Variants in EBF2 observed in about 807,000 individuals in gnomAD.
EBF2 encodes transcription factor COE2.
Under a neutral mutation model 72.8 loss-of-function variants are expected in EBF2, and 21 were observed. That is an observed-to-expected ratio of 0.29 (90% CI 0.20 to 0.42). EBF2 has a LOEUF of 0.42. Ranked by LOEUF, EBF2 falls within the 10% of genes least tolerant of loss-of-function variation. The probability of loss-of-function intolerance (pLI) is 1.00; values close to 1 mark genes in which losing one functional copy is unlikely to be tolerated. For missense variants in EBF2, 637 were observed against 731.2 expected (o/e 0.87, Z 1.49); for synonymous variants, 299 against 274.2 (o/e 1.09, Z -0.89).
intron 10 of EBF2, among the ~76,000 whole-genome samples, chr8:25,873,806 G>A (rs1477989459): frequency 1.3e-5 from 2 of 152,180 alleles, no homozygotes; most frequent in African/African-American, 4.8e-5. Context: ...TGCCACAATG[G>A]AGCAGTTATA....
At chr8:25,909,485 AAC>A (rs1803090953) in intron 6 of EBF2, among the ~76,000 whole-genome samples, 3 of 152,116 alleles carry the variant, frequency 2.0e-5, no homozygotes, top group African/African-American at 7.2e-5. Context: ...TTACTATGAC[AAC>A]GAAATTTTAC....
chr8:25,882,181 C>G (rs1350870792), intron 10 of EBF2, among the ~76,000 whole-genome samples: 1 of 152,096 alleles, frequency 6.6e-6, no homozygotes, highest in Non-Finnish European at 1.5e-5. Context: ...AAAATTTACC[C>G]CTAGACACTG....
At chr8:25,926,959 AAG>A (rs1396327585) in intron 6 of EBF2, among the ~76,000 whole-genome samples, 1 of 152,202 alleles carries the variant, frequency 6.6e-6, no homozygotes, top group Non-Finnish European at 1.5e-5. Context: ...CCGTAGATGA[AAG>A]AGAGTTTCAG....
At chr8:25,864,943 G>A (rs28542879) in intron 10 of EBF2, among the ~76,000 whole-genome samples, 3,884 of 151,830 alleles carry the variant, frequency 0.026, 171 homozygotes, top group African/African-American at 0.088. Context: ...GCTTACAGGC[G>A]CGCGCCACCA....
At chr8:25,844,948 A>G (rs757645909) in intron 15 of EBF2, among the ~76,000 whole-genome samples, 4 of 152,198 alleles carry the variant, frequency 2.6e-5, no homozygotes, top group Non-Finnish European at 4.4e-5. Flanking sequence ...CATGTAAACT[A>G]AACTGTAATA....
chr8:26,005,300 TATA>T (rs371407468), intron 6 of EBF2, among the ~76,000 whole-genome samples: 3,363 of 6,444 alleles, frequency 0.52, 1,084 homozygotes, highest in African/African-American at 0.59. Flanking sequence ...TATAATTATA[TATA>T]ATTATATATT....
intron 6 of EBF2, among the ~76,000 whole-genome samples, chr8:25,955,209 C>T (rs1013069000): frequency 6.6e-6 from 1 of 152,196 alleles, no homozygotes; most frequent in Non-Finnish European, 1.5e-5. Context: ...ACGGGGCTTC[C>T]CTCCAAAGGT....
At chr8:25,897,344 C>CT (rs532969739) in intron 7 of EBF2, among the ~76,000 whole-genome samples, 86 of 149,842 alleles carry the variant, frequency 5.7e-4, no homozygotes, top group Non-Finnish European at 1.1e-3. Context: ...AACTATTTTA[C>CT]TTTTTTTTTT....
intron 6 of EBF2, among the ~76,000 whole-genome samples, chr8:26,020,149 T>C (rs1805182265): frequency 6.6e-6 from 1 of 152,208 alleles, no homozygotes; most frequent in African/African-American, 2.4e-5. Flanking sequence ...TGATGGGAAT[T>C]AGACAAATGC....
chr8:26,033,318 C>T (rs1179230706), intron 5 of EBF2, among the ~76,000 whole-genome samples, 165 bp from the exon 6 acceptor site: 1 of 152,186 alleles, frequency 6.6e-6, no homozygotes, highest in Non-Finnish European at 1.5e-5. Context: ...CAACCTCTGC[C>T]TCCTGGGTTC....
chr8:25,998,165 TC>T (rs1804666921), intron 6 of EBF2, among the ~76,000 whole-genome samples: 1 of 152,114 alleles, frequency 6.6e-6, no homozygotes, highest in Admixed American at 6.6e-5. Flanking sequence ...CATCCCTGGG[TC>T]GTGGCACACT....
chr8:26,003,827 A>G (rs1248292861), intron 6 of EBF2, among the ~76,000 whole-genome samples: 5 of 152,178 alleles, frequency 3.3e-5, no homozygotes, highest in Non-Finnish European at 7.3e-5. Flanking sequence ...GGACCATTAT[A>G]TCCTTCTCCT....
At chr8:26,006,737 C>A (rs1411353578) in intron 6 of EBF2, among the ~76,000 whole-genome samples, 1 of 152,188 alleles carries the variant, frequency 6.6e-6, no homozygotes, top group Non-Finnish European at 1.5e-5. Flanking sequence ...GCCAAGTCCC[C>A]ATCCCTCCTT....
At chr8:25,923,200 T>C (rs1803334011) in intron 6 of EBF2, among the ~76,000 whole-genome samples, 1 of 152,156 alleles carries the variant, frequency 6.6e-6, no homozygotes, top group Non-Finnish European at 1.5e-5. Context: ...GGATCTGACA[T>C]CAGGCTCTCC....
At chr8:25,918,092 C>T (rs751475388) in intron 6 of EBF2, among the ~76,000 whole-genome samples, 10 of 152,162 alleles carry the variant, frequency 6.6e-5, no homozygotes, top group Admixed American at 3.9e-4. Flanking sequence ...CATTACTTTC[C>T]CTGAACTAAG....
At chr8:25,862,667 C>G in intron 11 of EBF2, 42 bp downstream of exon 11, 3 of 1,489,062 alleles carry the variant, frequency 2.0e-6, no homozygotes, top group Non-Finnish European at 2.7e-6. Flanking sequence ...TCCTGAAATT[C>G]TACACAAATG....
intron 6 of EBF2, among the ~76,000 whole-genome samples, chr8:25,972,829 T>C (rs933118722): frequency 2.0e-5 from 3 of 150,328 alleles, no homozygotes; most frequent in Non-Finnish European, 2.9e-5. Flanking sequence ...ATATTTCATA[T>C]GAAAACTAGC....
intron 6 of EBF2, among the ~76,000 whole-genome samples, chr8:26,030,103 G>A (rs1045336743): frequency 3.9e-4 from 59 of 152,060 alleles, no homozygotes; most frequent in African/African-American, 1.4e-3. Context: ...GTAGAGATGG[G>A]ATCCCACTAT....
intron 6 of EBF2, among the ~76,000 whole-genome samples, chr8:25,992,359 C>CAAAAAAAAAAAAAA (rs1804559026): frequency 9.0e-6 from 1 of 110,878 alleles, no homozygotes; most frequent in African/African-American, 3.2e-5. Context: ...AAAAAAAAAG[C>CAAAAAAAAAAAAAA]AAAAGGCAGT....
Sources: allele counts gnomAD v4.1 joint callset (sites outside exome capture counted in the v4.1 genomes callset), GRCh38; gene constraint gnomAD v4.1.1; transcripts MANE v1.5; gene names NCBI Gene and HGNC (gene_info 2026-07-23, HGNC 2026-07-21).